ITIH1: variants seen among roughly 807,000 people sequenced by gnomAD.
The protein encoded by ITIH1 is inter-alpha-trypsin inhibitor heavy chain H1.
In ITIH1, 94 loss-of-function variants were observed where a neutral mutation model predicts 104.6. The ratio of observed to expected loss-of-function variants is 0.90; its 90% CI spans 0.76 to 1.07. The LOEUF (loss-of-function observed/expected upper bound fraction) is 1.07. Ranked by LOEUF, ITIH1 falls within the 50% of genes least tolerant of loss-of-function variation. The pLI, the probability that ITIH1 is intolerant of heterozygous loss-of-function variation, is 0.00. For missense variants in ITIH1, 1,193 were observed against 1,181.4 expected, an observed-to-expected ratio of 1.01 and a Z score of -0.14; for synonymous variants, 455 against 464.4, an observed-to-expected ratio of 0.98 and a Z score of 0.26.
chr3:52,791,979 G>A lies in ITIH1; in HGVS notation c.*68G>A. The A allele has an allele frequency of 6.6e-7, 1 of 1,515,150 alleles. No individual in the cohort carries two copies. The allele number at this position is 1,515,150 out of a possible 1,614,324, so 93.9% of individuals were successfully genotyped here. ...GAGGAGGAGGACGACATCCTGACCT[G>A]CTGCTGAGGCTGTACCTCCTTGACT... On this transcript the variant is annotated 3_prime_UTR_variant, in exon 22 of 22. Transcript: ENST00000273283.
At chr3:52,781,266 T>C (rs866773168) in intron 6 of ITIH1, among the ~76,000 whole-genome samples, 28 of 132,570 alleles carry the variant, frequency 2.1e-4, no homozygotes, top group East Asian at 6.5e-4. Flanking sequence ...CTTCTTCTTC[T>C]TCTTCTTCTT....
At chr3:52,782,904 T>C (rs1435352447) in intron 8 of ITIH1, 53 bp from the exon 9 acceptor site, 2 of 1,580,084 alleles carry the variant, frequency 1.3e-6, no homozygotes, top group South Asian at 1.1e-5. Flanking sequence ...GAAGGTGCTG[T>C]CCTGGGGCCA....
chr3:52,780,459 G>A (rs1699006807), intron 6 of ITIH1, 77 bp downstream of exon 6: 1 of 1,000,040 alleles, frequency 1.0e-6, no homozygotes, highest in East Asian at 2.6e-5. Flanking sequence ...GGAATGTCCA[G>A]CCTTAGCCCA....
chr3:52,779,631 C>G lies in ITIH1; in HGVS notation c.573+37C>G, dbSNP rs765749020. 13 of 1,605,390 alleles carry G rather than the reference C, an allele frequency of 8.1e-6. No homozygotes were observed. The highest frequency in any genetic ancestry group is 1.1e-5 in the Non-Finnish European group (13 of 1,172,166). On this transcript the variant is annotated intron_variant, in intron 5 of 21. Transcript: ENST00000273283. This position sits in a 1 kb window ranked among gnomAD's most constrained non-coding sequence, Gnocchi z 4.4. ...GTCCCGGGGCAGGGGTCCTGCCCCT[C>G]TCTCCGTCACCATGGCTCCCAACAC... is the stretch of plus-strand genomic sequence containing the variant.
chr3:52,779,317 T>A lies in ITIH1; in HGVS notation c.411-115T>A. Reference sequence around the variant, plus strand: ...CACATTTGTGAGGTCCAGGGAAACCTGGGAGCAACACTCATCTAAGAGAAA... The same window carrying A: ...CACATTTGTGAGGTCCAGGGAAACCAGGGAGCAACACTCATCTAAGAGAAA... On this transcript the variant is annotated intron_variant, in intron 4 of 21. Transcript: ENST00000273283. This position sits in a 1 kb window ranked among gnomAD's most constrained non-coding sequence, Gnocchi z 4.4. The A allele has an allele frequency of 5.0e-6, 6 of 1,189,124 alleles. No individual in the cohort carries two copies. Among genetic ancestry groups the A allele is most frequent in the Non-Finnish European group, 7.3e-6 (6 of 816,780 alleles). The allele number at this position is 1,189,124 out of a possible 1,614,324, so 73.7% of individuals were successfully genotyped here.
In ITIH1 at chr3:52,779,331, A is replaced by G; in HGVS notation, c.411-101A>G. 3 of 1,299,370 alleles carry G rather than the reference A, an allele frequency of 2.3e-6. No homozygotes were observed. Among genetic ancestry groups the G allele is most frequent in the Non-Finnish European group, 3.3e-6 (3 of 904,696 alleles). 80.5% of individuals were successfully genotyped at this position (1,299,370 alleles called of 1,614,324 possible). On this transcript the variant is annotated intron_variant, in intron 4 of 21. Transcript: ENST00000273283. The surrounding 1 kb of genome is among the most constrained non-coding windows in gnomAD (Gnocchi z 4.4). ...CCAGGGAAACCTGGGAGCAACACTCATCTAAGAGAAATAAATTCTGTGGGC... is the reference window on the plus strand; with the variant it reads ...CCAGGGAAACCTGGGAGCAACACTCGTCTAAGAGAAATAAATTCTGTGGGC...
chr3:52,781,281 TTCTTCC>T (rs1193743491), intron 6 of ITIH1, among the ~76,000 whole-genome samples: 18 of 135,442 alleles, frequency 1.3e-4, no homozygotes, highest in Admixed American at 5.3e-4. Flanking sequence ...CTTCTTCTTC[TTCTTCC>T]TCTTCTTCTT....
At chr3:52,778,670 T>C (rs1698964722) in intron 3 of ITIH1, 164 bp downstream of exon 3, 3 of 1,448,258 alleles carry the variant, frequency 2.1e-6, no homozygotes, top group African/African-American at 2.9e-5. Context: ...CCTTTAGGTC[T>C]GTGCTTGGCT....
chr3:52,779,530 G>C lies in ITIH1; in HGVS notation c.509G>C (p.Arg170Thr), dbSNP rs778505961. 6.2e-7 allele frequency: 1 copy of C among 1,614,226 alleles called. No homozygotes were observed. The highest frequency in any genetic ancestry group is 8.5e-7 in the Non-Finnish European group (1 of 1,180,042). ...FQLTYEEVLK[R>T]NHMQYEIVIK... is the part of the protein sequence containing the mutation. ...CTGACTTATGAGGAAGTGCTGAAGA[G>C]AAACCATATGCAGTATGAAATTGTC... Residue 170 changes from arginine to threonine, a missense_variant, in exon 5 of 22, where the codon AGA (arginine) becomes ACA (threonine). Coordinates refer to ENST00000273283, the MANE Select transcript of ITIH1 (RefSeq NM_002215.4). The surrounding 1 kb of genome is among the most constrained non-coding windows in gnomAD (Gnocchi z 4.4).
chr3:52,779,022 CA>C lies in ITIH1; in HGVS notation c.387del (p.Gly130GlufsTer33). Reference protein sequence around the residue: ...AWKQYRKAAISGENAGLVRAS... With the variant: ...AWKQYRKAAIXGENAGLVRAS... ...AAGCAGTACCGGAAAGCAGCTATCT[CA>C]GGAGAGAATGCCGGCCTTGTCAGGT... On this transcript the variant is annotated frameshift_variant, in exon 4 of 22. Coordinates refer to ENST00000273283, the MANE Select transcript of ITIH1 (RefSeq NM_002215.4). LOFTEE classifies it high-confidence loss of function. The surrounding 1 kb of genome is among the most constrained non-coding windows in gnomAD (Gnocchi z 4.4). 6.2e-7 allele frequency: 1 copy of C among 1,613,662 alleles called. No homozygotes were observed. Among genetic ancestry groups the C allele is most frequent in the Non-Finnish European group, 8.5e-7 (1 of 1,179,524 alleles).
chr3:52,787,821 C>T (rs1699240188), intron 16 of ITIH1, 165 bp from the exon 17 acceptor site: 2 of 910,442 alleles, frequency 2.2e-6, no homozygotes, highest in Admixed American at 1.8e-5. Context: ...AAGCTTCTGT[C>T]CCCGTGTCCC....
Position 52,791,555 on chromosome 3 carries a change from A to G in ITIH1, c.2533A>G (p.Ile845Val). Residue 845 changes from isoleucine (I) to valine (V), a missense_variant, in exon 21 of 22, where the codon ATC becomes GTC. Transcript: ENST00000273283. Reference sequence around the variant, plus strand: ...CCCCATCGGTTTTGAAGTGTCTGACATCCACCCAGGCTCTGACCCCACAAA... The same window carrying G: ...CCCCATCGGTTTTGAAGTGTCTGACGTCCACCCAGGCTCTGACCCCACAAA... Reference protein sequence around the residue: ...FHPIGFEVSDIHPGSDPTKPD... With the variant: ...FHPIGFEVSDVHPGSDPTKPD... 2 of 1,614,088 alleles carry G rather than the reference A, an allele frequency of 1.2e-6. No homozygotes were observed. The highest frequency in any genetic ancestry group is 1.7e-6 in the Non-Finnish European group (2 of 1,179,998).
intron 16 of ITIH1, 78 bp from the exon 17 acceptor site, chr3:52,787,908 A>G: frequency 2.2e-6 from 3 of 1,379,456 alleles, no homozygotes; most frequent in Non-Finnish European, 3.1e-6. Context: ...CCAGTGAGGA[A>G]AGAGTCATCA....
Position 52,782,947 on chromosome 3 carries a change from G to A in ITIH1, c.931-10G>A, listed in dbSNP as rs1393835040. On this transcript the variant is annotated splice_polypyrimidine_tract_variant and intron_variant, in intron 8 of 21. Transcript: ENST00000273283. ...GCCCTGTCTGTCTACTGACTGTTCT[G>A]TCCTTGCAGACCAAGGAGGCACTCC... 1 of 1,613,568 alleles carries A rather than the reference G, an allele frequency of 6.2e-7. No individual in the cohort carries two copies. Among genetic ancestry groups the A allele is most frequent in the East Asian group, 2.2e-5 (1 of 44,862 alleles).
At chr3:52,788,669 T>G (rs1336520973) in intron 18 of ITIH1, among the ~76,000 whole-genome samples, 1 of 151,886 alleles carries the variant, frequency 6.6e-6, no homozygotes, top group Non-Finnish European at 1.5e-5. Context: ...CAAGTGATTC[T>G]CCTGCCTCAG....
At position 52,778,626 on chromosome 3, in the gene ITIH1, C is replaced by T. The variant is rs1156475260; in HGVS notation, c.305+120C>T. The stretch of plus-strand genomic sequence containing the variant: ...GCATCTCCTCATTCTAGAAGGGCCA[C>T]AGACCAGCCCTGGCTTTGAGGGGAG... On this transcript the variant is annotated intron_variant, in intron 3 of 21. Transcript: ENST00000273283. 26 of 1,511,844 alleles carry T rather than the reference C, an allele frequency of 1.7e-5. 1 individual carries two copies. In the Middle Eastern group the frequency reaches 7.2e-4, roughly 42 times the overall value. 93.7% of individuals were successfully genotyped at this position (1,511,844 alleles called of 1,614,324 possible).
intron 20 of ITIH1, among the ~76,000 whole-genome samples, chr3:52,791,200 G>A (rs1166525384): frequency 6.6e-6 from 1 of 152,036 alleles, no homozygotes; most frequent in Non-Finnish European, 1.5e-5. Flanking sequence ...TTGTGAGTAG[G>A]GTGGGTCACT....
chr3:52,789,091 A>G (rs1402452605), intron 18 of ITIH1, among the ~76,000 whole-genome samples: 5 of 152,040 alleles, frequency 3.3e-5, no homozygotes, highest in African/African-American at 1.2e-4. Context: ...CTCCCTGTCC[A>G]GTTAGTCCAT....
rs36051478 is a variant in ITIH1 at position 52,786,839 on chromosome 3, CGAATGAAT to C, written c.1734-81_1734-74del. On this transcript the variant is annotated intron_variant, in intron 13 of 21. Transcript: ENST00000273283. ...CCATGGGGGCTTAATACTTATGTGT[CGAATGAAT>C]GAATGAATGAATGAATGAATGAATA... The C allele has an allele frequency of 8.8e-4, 1,024 of 1,164,712 alleles. 5 individuals are homozygous for C. Among genetic ancestry groups the C allele is most frequent in the South Asian group, 3.8e-3 (253 of 65,806 alleles). The allele number at this position is 1,164,712 out of a possible 1,614,324, so 72.1% of individuals were successfully genotyped here.
Sources: allele counts gnomAD v4.1 joint callset (sites outside exome capture counted in the v4.1 genomes callset), GRCh38; gene constraint gnomAD v4.1.1; non-coding constraint Gnocchi (gnomAD v3.1); transcripts MANE v1.5; gene names NCBI Gene and HGNC (gene_info 2026-07-23, HGNC 2026-07-21).